The following SLC8A1 variants were observed in gnomAD, a reference collection of about 807,000 sequenced individuals.
SLC8A1 encodes the protein sodium/calcium exchanger 1.
SLC8A1 carries 18 observed loss-of-function variants against 68.3 expected under a neutral mutation model. The observed-to-expected ratio is 0.26, with a 90% CI of 0.18 to 0.39. The LOEUF is 0.39. SLC8A1 is among the 10% of genes least tolerant of loss of function. The pLI, the probability that SLC8A1 is intolerant of heterozygous loss-of-function variation, is 1.00. For synonymous variants in SLC8A1, 475 were observed against 415.5 expected (o/e 1.14, Z -1.74); for missense variants, 985 against 1,156.7 (o/e 0.85, Z 2.15).
chr2:40,296,740 C>A (rs1304755270), intron 2 of SLC8A1, among the ~76,000 whole-genome samples: 2 of 152,138 alleles, frequency 1.3e-5, no homozygotes, highest in African/African-American at 2.4e-5. Flanking sequence ...TTTGACTAAT[C>A]CCCCATCCTG....
At chr2:40,410,767 T>C (rs907132317) in intron 2 of SLC8A1, among the ~76,000 whole-genome samples, 17 of 152,088 alleles carry the variant, frequency 1.1e-4, no homozygotes, top group African/African-American at 3.6e-4. Context: ...AATCTGATAA[T>C]ACATTGCATG....
intron 7 of SLC8A1, among the ~76,000 whole-genome samples, chr2:40,132,457 C>G (rs2039577308): frequency 6.6e-6 from 1 of 151,954 alleles, no homozygotes; most frequent in Non-Finnish European, 1.5e-5. Context: ...GAGGGTCACT[C>G]AGATTATGGG....
chr2:40,203,797 C>A (rs2054857997), intron 2 of SLC8A1, among the ~76,000 whole-genome samples: 1 of 151,948 alleles, frequency 6.6e-6, no homozygotes, highest in Admixed American at 6.6e-5. Context: ...CCTCAACCTT[C>A]TGGGCTCAAA....
chr2:40,347,362 A>G (rs989699287), intron 2 of SLC8A1, among the ~76,000 whole-genome samples: 2 of 152,228 alleles, frequency 1.3e-5, no homozygotes, highest in Non-Finnish European at 2.9e-5. Flanking sequence ...TGAGAACCTC[A>G]TATGCCATGC....
intron 6 of SLC8A1, among the ~76,000 whole-genome samples, chr2:40,143,770 T>C (rs1297006197): frequency 6.6e-6 from 1 of 152,156 alleles, no homozygotes; most frequent in Non-Finnish European, 1.5e-5. Context: ...TTTGCATATA[T>C]CTTTCTTTTA....
intron 2 of SLC8A1, among the ~76,000 whole-genome samples, chr2:40,377,396 C>A (rs1352046113): frequency 6.6e-6 from 1 of 152,110 alleles, no homozygotes; most frequent in African/African-American, 2.4e-5. Flanking sequence ...CCCAGTTAAA[C>A]ACTGCATGGT....
rs1028704185 is a variant in SLC8A1 at position 40,419,208 on chromosome 2, G to C, written c.1808+9265C>G. Reference sequence around the variant, plus strand: ...CTGGAAGCAGGAATCAATGAATAGGGCCCAGCCCTTCTGGATTCCACCGGC... The same window carrying C: ...CTGGAAGCAGGAATCAATGAATAGGCCCCAGCCCTTCTGGATTCCACCGGC... On this transcript the variant is annotated intron_variant, in intron 2 of 7. Transcript: ENST00000406785. 9.2e-5 allele frequency among the ~76,000 whole-genome samples: 14 copies of C among 152,156 alleles called. 1 individual carries two copies. Among genetic ancestry groups the C allele is most frequent in the Admixed American group, 5.9e-4 (9 of 15,274 alleles).
At chr2:40,204,153 G>C (rs1474144233) in intron 2 of SLC8A1, among the ~76,000 whole-genome samples, 1 of 152,004 alleles carries the variant, frequency 6.6e-6, no homozygotes, top group Non-Finnish European at 1.5e-5. Context: ...TTACTCTTCA[G>C]GAGGTATGCT....
rs1031190719 is a variant in SLC8A1 at position 40,495,376 on chromosome 2, A to G, written c.-25+16973T>C. 2.2e-4 allele frequency among the ~76,000 whole-genome samples: 33 copies of G among 152,112 alleles called. 1 individual carries two copies. The highest frequency in any genetic ancestry group is 1.5e-3 in the Admixed American group (23 of 15,254). On this transcript the variant is annotated intron_variant, in intron 1 of 7. Transcript: ENST00000402441. ...GTGTTTTATGAGGAAAGTGTATACCATATTAAAAATGTAGGAGGAAAGCGA... is the reference window on the plus strand; with the variant it reads ...GTGTTTTATGAGGAAAGTGTATACCGTATTAAAAATGTAGGAGGAAAGCGA...
intron 2 of SLC8A1, among the ~76,000 whole-genome samples, chr2:40,258,644 C>T (rs1221687631): frequency 1.3e-5 from 2 of 152,076 alleles, no homozygotes; most frequent in Non-Finnish European, 2.9e-5. Flanking sequence ...AGTTTGAGAC[C>T]AGCCTGGCCA....
At chr2:40,124,637 A>G (rs752683199) in intron 7 of SLC8A1, among the ~76,000 whole-genome samples, 3 of 152,142 alleles carry the variant, frequency 2.0e-5, no homozygotes, top group Non-Finnish European at 2.9e-5. Context: ...TCTACTAACT[A>G]TTTGGCCCAG....
chr2:40,306,974 T>A (rs940485938), intron 2 of SLC8A1, among the ~76,000 whole-genome samples: 1 of 152,050 alleles, frequency 6.6e-6, no homozygotes, highest in Admixed American at 6.5e-5. Flanking sequence ...GTCCATAAGT[T>A]GAAAAAAATC....
intron 2 of SLC8A1, among the ~76,000 whole-genome samples, chr2:40,235,602 A>G (rs769959634): frequency 0.014 from 2,053 of 151,510 alleles, 13 homozygotes; most frequent in Middle Eastern, 0.02. Flanking sequence ...TATTTCCTTC[A>G]GTTCTGCTCT....
At chr2:40,297,882 TG>T (rs2070719105) in intron 2 of SLC8A1, among the ~76,000 whole-genome samples, 1 of 152,158 alleles carries the variant, frequency 6.6e-6, no homozygotes. Context: ...TTTAACAATC[TG>T]TTTTTTGTTT....
chr2:40,438,833 T>C (rs1429666230), intron 1 of SLC8A1, among the ~76,000 whole-genome samples: 1 of 152,140 alleles, frequency 6.6e-6, no homozygotes, highest in Non-Finnish European at 1.5e-5. Flanking sequence ...GTGATTGTCA[T>C]GTAGGTGGTC....
intron 2 of SLC8A1, among the ~76,000 whole-genome samples, chr2:40,338,545 C>G (rs1666733988): frequency 6.6e-6 from 1 of 152,160 alleles, no homozygotes; most frequent in Non-Finnish European, 1.5e-5. Flanking sequence ...TATTTCTGCT[C>G]TGTAAACATC....
Position 40,216,012 on chromosome 2 carries a change from C to T in SLC8A1, c.1809-38157G>A, listed in dbSNP as rs200511229. 1.6e-3 allele frequency among the ~76,000 whole-genome samples: 227 copies of T among 143,782 alleles called. 1 individual carries two copies. The highest frequency in any genetic ancestry group is 5.5e-3 in the African/African-American group (215 of 39,226). 94.3% of individuals were successfully genotyped at this position (143,782 alleles called of 152,430 possible). A position where few individuals can be genotyped will look rare whatever the true frequency, so the allele number is the denominator to read the frequency against. Reference sequence around the variant, plus strand: ...GACATATAAGCCTTCCCAGTGTATGCTTTTTTTTTTTTACAATTTTTTAAA... The same window carrying T: ...GACATATAAGCCTTCCCAGTGTATGTTTTTTTTTTTTTACAATTTTTTAAA... On this transcript the variant is annotated intron_variant, in intron 2 of 7. Transcript: ENST00000406785.
chr2:40,288,562 G>A (rs566585545), intron 2 of SLC8A1, among the ~76,000 whole-genome samples: 4 of 152,064 alleles, frequency 2.6e-5, no homozygotes, highest in African/African-American at 9.6e-5. Context: ...AATAACCCCT[G>A]TGTTGTGCTG....
chr2:40,165,766 A>C (rs890271084), intron 4 of SLC8A1, among the ~76,000 whole-genome samples: 10 of 152,152 alleles, frequency 6.6e-5, no homozygotes, highest in African/African-American at 2.4e-4. Flanking sequence ...GTGCTGAGGA[A>C]ATGTTAATGG....
Sources: gnomAD v4.1 joint callset for allele counts (sites outside exome capture counted in the v4.1 genomes callset) on GRCh38, gnomAD v4.1.1 for gene constraint, MANE v1.5 for transcripts, NCBI Gene and HGNC (gene_info 2026-07-23, HGNC 2026-07-21) for gene names.